RPS6KA3: variants seen among roughly 807,000 people sequenced by gnomAD.
The protein encoded by RPS6KA3 is ribosomal protein S6 kinase alpha-3.
A neutral mutation model predicts 67.2 loss-of-function variants in RPS6KA3; 4 were observed. The observed-to-expected ratio is 0.06, with a 90% CI of 0.03 to 0.14. The LOEUF is 0.14. Among genes scored for constraint, RPS6KA3 ranks in the 10% least tolerant of loss-of-function variants. RPS6KA3 has a pLI of 1.00. For missense variants in RPS6KA3, 204 were observed against 559.0 expected, an observed-to-expected ratio of 0.36 and a Z score of 6.40; for synonymous variants, 182 against 183.7, an observed-to-expected ratio of 0.99 and a Z score of 0.07.
chrX:20,190,090 A>C (rs932732742), intron 7 of RPS6KA3, among the ~76,000 whole-genome samples: 2 of 111,591 alleles, frequency 1.8e-5, no homozygotes, highest in African/African-American at 6.5e-5. Context: ...GGTAATTCTG[A>C]AAGAAAAAAG....
At position 20,238,879 on chromosome X, in the gene RPS6KA3, G is replaced by A. The variant is rs181120385; in HGVS notation, c.70-4065C>T. Among the ~76,000 whole-genome samples, 4 of 111,351 alleles carry A rather than the reference G, an allele frequency of 3.6e-5. No individual in the cohort carries two copies. The East Asian group carries it at 1.1e-3, about 31-fold the overall frequency. On this transcript the variant is annotated intron_variant, in intron 1 of 21. Transcript: ENST00000379565. ...GTTATCTATTAGAAATGAGCACAGA[G>A]TTACTTCTACAGTTAAGTTTCCCAT...
intron 5 of RPS6KA3, 103 bp from the exon 6 acceptor site, chrX:20,194,371 T>C (rs370456333): frequency 4.3e-4 from 218 of 508,873 alleles, no homozygotes; most frequent in Non-Finnish European, 6.9e-4. Context: ...TTATATCAAA[T>C]GTCCAAACTT....
intron 4 of RPS6KA3, chrX:20,203,691 G>T (rs6418737): frequency 0.33 from 54,707 of 165,148 alleles, 10,055 homozygotes; most frequent in African/African-American, 0.78. Context: ...CTATTTTGCA[G>T]CCAGTAAATC....
At chrX:20,246,801 T>C (rs1424623243) in intron 1 of RPS6KA3, among the ~76,000 whole-genome samples, 1 of 112,080 alleles carries the variant, frequency 8.9e-6, no homozygotes, top group East Asian at 2.8e-4. Context: ...CATTAATAAG[T>C]TACAAGGAAA....
chrX:20,205,220 C>G (rs1169448783), intron 3 of RPS6KA3, among the ~76,000 whole-genome samples: 1 of 112,412 alleles, frequency 8.9e-6, no homozygotes, highest in African/African-American at 3.2e-5. Context: ...GGTTCATGAT[C>G]ATTTCCATTG....
chrX:20,174,804 G>A (rs2067660184), intron 14 of RPS6KA3, among the ~76,000 whole-genome samples: 1 of 111,108 alleles, frequency 9.0e-6, no homozygotes, highest in Admixed American at 9.6e-5. Flanking sequence ...ACCCAGGCTG[G>A]AGTGCAGTGG....
chrX:20,213,428 T>C (rs2068768098), intron 2 of RPS6KA3, among the ~76,000 whole-genome samples: 1 of 111,827 alleles, frequency 8.9e-6, no homozygotes, highest in Non-Finnish European at 1.9e-5. Flanking sequence ...GTTTGGTAAT[T>C]ATATTACCTT....
intron 17 of RPS6KA3, among the ~76,000 whole-genome samples, chrX:20,165,386 G>A (rs1186310357): frequency 9.0e-6 from 1 of 111,383 alleles, no homozygotes; most frequent in Non-Finnish European, 1.9e-5. Context: ...CATGTACCAG[G>A]GTATTATATA....
chrX:20,188,014 T>C (rs371457337), intron 8 of RPS6KA3, 44 bp from the exon 9 acceptor site: 33 of 1,133,075 alleles, frequency 2.9e-5, no homozygotes, highest in Middle Eastern at 2.4e-4. Flanking sequence ...AATTTGCACA[T>C]GTAAATTTTA....
chrX:20,234,739 G>A lies in RPS6KA3; in HGVS notation c.126+19C>T, dbSNP rs1052497764. 6 of 1,063,606 alleles carry A rather than the reference G, an allele frequency of 5.6e-6. No homozygotes were observed. Among genetic ancestry groups the A allele is most frequent in the Admixed American group, 2.2e-5 (1 of 45,475 alleles). The allele number at this position is 1,063,606 out of a possible 1,213,427, so 87.7% of individuals were successfully genotyped here. A position where few individuals can be genotyped will look rare whatever the true frequency, so the allele number is the denominator to read the frequency against. ...TATTTCATTTATCTATACCCTTTGT[G>A]ATAAAATATTTTACTTACAGTTTGT... On this transcript the variant is annotated intron_variant, in intron 2 of 21. Coordinates refer to ENST00000379565, the MANE Select transcript of RPS6KA3 (RefSeq NM_004586.3).
chrX:20,234,870 G>C, intron 1 of RPS6KA3, 56 bp from the exon 2 acceptor site: 1 of 869,817 alleles, frequency 1.1e-6, no homozygotes, highest in Non-Finnish European at 1.7e-6. Flanking sequence ...ATCAGTTAAA[G>C]TTAAATGAAG....
upstream of RPS6KA3, chrX:20,266,993 C>G (rs2070417117): frequency 1.3e-6 from 1 of 751,883 alleles, no homozygotes; most frequent in East Asian, 1.5e-4. Context: ...CAGCGACCGC[C>G]GCGCGCTCCC....
At chrX:20,253,048 A>C (rs1011229017) in intron 1 of RPS6KA3, among the ~76,000 whole-genome samples, 1 of 110,860 alleles carries the variant, frequency 9.0e-6, no homozygotes, top group African/African-American at 3.3e-5. Flanking sequence ...TGGCAAGAGC[A>C]TAACTTCCTT....
At chrX:20,192,237 C>T (rs762504859) in intron 7 of RPS6KA3, among the ~76,000 whole-genome samples, 6 of 110,962 alleles carry the variant, frequency 5.4e-5, no homozygotes, top group East Asian at 5.6e-4. Flanking sequence ...AAATAATATC[C>T]GATTCTTGAT....
At chrX:20,218,671 A>G in intron 2 of RPS6KA3, 1 of 483,108 alleles carries the variant, frequency 2.1e-6, no homozygotes, top group Non-Finnish European at 3.5e-6. Flanking sequence ...TAAAAGTTCT[A>G]TCAAAACAGG....
At chrX:20,235,893 G>T (rs751928843) in intron 1 of RPS6KA3, among the ~76,000 whole-genome samples, 7 of 111,485 alleles carry the variant, frequency 6.3e-5, no homozygotes, top group African/African-American at 2.3e-4. Flanking sequence ...ATTCCAAAAA[G>T]AACTTCAAAT....
At position 20,167,634 on chromosome X, in the gene RPS6KA3, G is replaced by A; in HGVS notation, c.1557C>T (p.Val519=). Residue 519 remains valine, a synonymous_variant, in exon 17 of 22, where the codon GTC becomes GTT. Coordinates refer to ENST00000379565, the MANE Select transcript of RPS6KA3 (RefSeq NM_004586.3). ...KFFSEREASA[V]LFTITKTVEY... is the part of the protein sequence containing the mutation. Reference sequence around the variant, plus strand: ...CAACGGTTTTAGTTATAGTGAACAGGACAGCACTGGCCTCTCGTTCAGAGA... The same window carrying A: ...CAACGGTTTTAGTTATAGTGAACAGAACAGCACTGGCCTCTCGTTCAGAGA... 1 of 1,209,793 alleles carries A rather than the reference G, an allele frequency of 8.3e-7. No individual in the cohort carries two copies. Among genetic ancestry groups the A allele is most frequent in the Non-Finnish European group, 1.1e-6 (1 of 893,777 alleles).
At chrX:20,206,868 A>AGCTTAAGGACTTGGTCCT (rs1477859371) in intron 3 of RPS6KA3, among the ~76,000 whole-genome samples, 3 of 111,448 alleles carry the variant, frequency 2.7e-5, no homozygotes, top group Non-Finnish European at 3.8e-5. Context: ...AGCAGGATGG[A>AGCTTAAGGACTTGGTCCT]GCTTAAGGAC....
chrX:20,265,227 T>C (rs992293213), intron 1 of RPS6KA3, among the ~76,000 whole-genome samples: 1 of 111,581 alleles, frequency 9.0e-6, no homozygotes, highest in Non-Finnish European at 1.9e-5. Flanking sequence ...ACAAGCAAAA[T>C]TGTTATACAG....
Sources: gnomAD v4.1 joint callset for allele counts (sites outside exome capture counted in the v4.1 genomes callset) on GRCh38, gnomAD v4.1.1 for gene constraint, MANE v1.5 for transcripts, NCBI Gene and HGNC (gene_info 2026-07-23, HGNC 2026-07-21) for gene names.